Variants in ASPH observed in about 807,000 individuals in gnomAD.
ASPH encodes the protein aspartyl/asparaginyl beta-hydroxylase.
Under a neutral mutation model 118.4 loss-of-function variants are expected in ASPH, and 100 were observed. The ratio of observed to expected loss-of-function variants is 0.84; its 90% CI spans 0.72 to 1.00. The LOEUF (loss-of-function observed/expected upper bound fraction) is 1.00. Among genes scored for constraint, ASPH ranks in the 50% least tolerant of loss-of-function variants. The probability of loss-of-function intolerance (pLI) is 0.00; values close to 1 mark genes in which losing one functional copy is unlikely to be tolerated. For missense variants in ASPH, 920 were observed against 919.5 expected, an observed-to-expected ratio of 1.00 and a Z score of -0.01; for synonymous variants, 315 against 325.6, an observed-to-expected ratio of 0.97 and a Z score of 0.35.
chr8:61,677,011 C>T (rs905220125), intron 3 of ASPH, among the ~76,000 whole-genome samples: 2 of 152,116 alleles, frequency 1.3e-5, no homozygotes, highest in Admixed American at 1.3e-4. Context: ...GCAACTGACT[C>T]ATGGTCCTGT....
chr8:61,579,546 T>C, intron 15 of ASPH: 1 of 1,540,504 alleles, frequency 6.5e-7, no homozygotes. Flanking sequence ...GGGCTCCAGC[T>C]TTGGCTCTGG....
intron 22 of ASPH, among the ~76,000 whole-genome samples, chr8:61,523,508 G>C (rs949285163): frequency 2.6e-5 from 4 of 151,478 alleles, no homozygotes; most frequent in African/African-American, 9.7e-5. Flanking sequence ...GCAGAGATGG[G>C]GTTTCACCGT....
rs566491091 is a variant in ASPH at position 61,688,075 on chromosome 8, T to C, written c.104-3887A>G. Among the ~76,000 whole-genome samples the C allele has an allele frequency of 2.0e-5, 3 of 152,298 alleles. No individual in the cohort carries two copies. The South Asian group carries it at 6.2e-4, about 32-fold the overall frequency. On this transcript the variant is annotated intron_variant, in intron 1 of 24. Coordinates refer to ENST00000379454, the MANE Select transcript of ASPH (RefSeq NM_004318.4). ...CAGATCAGTTTCTGTCCAATGAAAC[T>C]GATGAACGCATGGTAAGACAAACCC...
intron 1 of ASPH, among the ~76,000 whole-genome samples, chr8:61,691,474 T>C (rs1832623595): frequency 6.6e-6 from 1 of 152,248 alleles, no homozygotes; most frequent in Non-Finnish European, 1.5e-5. Context: ...AATCACTTGT[T>C]GACAGGGGTT....
Position 61,643,383 on chromosome 8 carries a change from T to C in ASPH, c.757+3A>G. 3 of 1,605,380 alleles carry C rather than the reference T, an allele frequency of 1.9e-6. No homozygotes were observed. Among genetic ancestry groups the C allele is most frequent in the Non-Finnish European group, 2.5e-6 (3 of 1,178,582 alleles). On this transcript the variant is annotated splice_donor_region_variant and intron_variant, in intron 9 of 24. Coordinates refer to ENST00000379454, the MANE Select transcript of ASPH (RefSeq NM_004318.4). ...AAATCTAATGAAAATGCTCATCTAA[T>C]ACCTGTATCATGGTGCAATCTTTCA...
At chr8:61,690,623 G>A (rs920601244) in intron 1 of ASPH, among the ~76,000 whole-genome samples, 3 of 152,034 alleles carry the variant, frequency 2.0e-5, no homozygotes, top group Non-Finnish European at 2.9e-5. Context: ...GTTCTGATTA[G>A]TATACTAAAT....
At chr8:61,623,029 T>G (rs1851540985) in intron 13 of ASPH, among the ~76,000 whole-genome samples, 1 of 152,220 alleles carries the variant, frequency 6.6e-6, no homozygotes, top group African/African-American at 2.4e-5. Context: ...AAGAGAACTT[T>G]CCATATCCAT....
intron 1 of ASPH, among the ~76,000 whole-genome samples, chr8:61,694,451 C>T (rs997103214): frequency 6.6e-6 from 1 of 152,156 alleles, no homozygotes; most frequent in Admixed American, 6.5e-5. Flanking sequence ...TTTCTGCACA[C>T]GGCTCCAGCA....
intron 3 of ASPH, among the ~76,000 whole-genome samples, chr8:61,654,837 C>T (rs909838542): frequency 6.6e-6 from 1 of 152,128 alleles, no homozygotes; most frequent in Admixed American, 6.5e-5. Context: ...ACCTAAGTTA[C>T]CTCTAACTGT....
At chr8:61,590,148 A>G (rs1840662986) in intron 14 of ASPH, among the ~76,000 whole-genome samples, 1 of 152,082 alleles carries the variant, frequency 6.6e-6, no homozygotes, top group African/African-American at 2.4e-5. Flanking sequence ...TACAATAAGA[A>G]TTTCAGCTTT....
chr8:61,516,513 C>T (rs1012426196), intron 24 of ASPH, among the ~76,000 whole-genome samples: 4 of 152,182 alleles, frequency 2.6e-5, no homozygotes, highest in African/African-American at 9.7e-5. Context: ...ATCCTCCACT[C>T]AGACCTCTAC....
intron 14 of ASPH, among the ~76,000 whole-genome samples, chr8:61,613,625 A>G (rs1394780193): frequency 1.3e-5 from 2 of 152,204 alleles, no homozygotes; most frequent in Non-Finnish European, 2.9e-5. Flanking sequence ...GGTCTGGGGT[A>G]GGAGATGGGA....
chr8:61,695,823 A>G (rs1833802857), intron 1 of ASPH, among the ~76,000 whole-genome samples: 2 of 152,208 alleles, frequency 1.3e-5, no homozygotes, highest in Non-Finnish European at 2.9e-5. Context: ...AATCCTTGAT[A>G]TGGTATGAGT....
intron 13 of ASPH, chr8:61,625,613 A>C: frequency 1.0e-6 from 1 of 977,514 alleles, no homozygotes; most frequent in Non-Finnish European, 1.2e-6. Flanking sequence ...AAAATAAATA[A>C]ATGATAATTT....
chr8:61,623,008 T>C (rs1851532602), intron 13 of ASPH, among the ~76,000 whole-genome samples: 1 of 152,224 alleles, frequency 6.6e-6, no homozygotes, highest in Admixed American at 6.5e-5. Context: ...GAATGAAGAC[T>C]GGAAATGGAA....
intron 3 of ASPH, chr8:61,664,403 C>T (rs1818441692): frequency 1.0e-6 from 1 of 974,150 alleles, no homozygotes; most frequent in Non-Finnish European, 1.2e-6. Context: ...TATTCTAAGA[C>T]TATAAAGGTA....
chr8:61,590,011 T>C (rs960648134), intron 14 of ASPH, among the ~76,000 whole-genome samples: 3 of 152,184 alleles, frequency 2.0e-5, no homozygotes, highest in African/African-American at 7.2e-5. Flanking sequence ...CAATCAGGAA[T>C]TTGAACCTTT....
At position 61,559,302 on chromosome 8, in the gene ASPH, G is replaced by T. The variant is rs181184909; in HGVS notation, c.1438-3280C>A. On this transcript the variant is annotated intron_variant, in intron 18 of 24. Coordinates refer to ENST00000379454, the MANE Select transcript of ASPH (RefSeq NM_004318.4). Reference sequence around the variant, plus strand: ...CGTTAATCGACTGTTTATGCTACCCGGTGGCTTCTGGTCAACAGCAGACTA... The same window carrying T: ...CGTTAATCGACTGTTTATGCTACCCTGTGGCTTCTGGTCAACAGCAGACTA... 9.9e-5 allele frequency among the ~76,000 whole-genome samples: 15 copies of T among 152,198 alleles called. No homozygotes were observed. The East Asian group carries it at 1.7e-3, about 18-fold the overall frequency.
chr8:61,504,662 A>T (rs1373026508), intron 24 of ASPH, among the ~76,000 whole-genome samples: 1 of 152,142 alleles, frequency 6.6e-6, no homozygotes, highest in Non-Finnish European at 1.5e-5. Context: ...CCTGACCTCC[A>T]CCCACTGTAT....
Sources: gnomAD v4.1 joint callset for allele counts (sites outside exome capture counted in the v4.1 genomes callset) on GRCh38, gnomAD v4.1.1 for gene constraint, MANE v1.5 for transcripts, NCBI Gene and HGNC (gene_info 2026-07-23, HGNC 2026-07-21) for gene names.